The following FAM98A variants were observed in gnomAD, a reference collection of about 807,000 sequenced individuals.
FAM98A encodes protein FAM98A.
A neutral mutation model predicts 62.9 loss-of-function variants in FAM98A; 25 were observed. That is an observed-to-expected ratio of 0.40 (90% CI 0.29 to 0.56). FAM98A has a LOEUF of 0.56. FAM98A is among the 20% of genes least tolerant of loss of function. The pLI, the probability that FAM98A is intolerant of heterozygous loss-of-function variation, is 0.51. For synonymous variants in FAM98A, 252 were observed against 228.6 expected (o/e 1.10, Z -0.92); for missense variants, 653 against 640.7 (o/e 1.02, Z -0.21).
chr2:33,598,065 A>C (rs976001426), intron 1 of FAM98A, among the ~76,000 whole-genome samples: 12 of 152,238 alleles, frequency 7.9e-5, no homozygotes, highest in Admixed American at 4.6e-4. Flanking sequence ...CCAAGAAAAG[A>C]ACAATAGTAT....
rs1249064328 is a variant in FAM98A at position 33,599,280 on chromosome 2, A to C, written c.-59T>G. 3 of 1,420,340 alleles carry C rather than the reference A, an allele frequency of 2.1e-6. No homozygotes were observed. Among genetic ancestry groups the C allele is most frequent in the Non-Finnish European group, 3.0e-6 (3 of 1,003,008 alleles). The allele number at this position is 1,420,340 out of a possible 1,614,324, so 88.0% of individuals were successfully genotyped here. The stretch of plus-strand genomic sequence containing the variant: ...GCTCCCCTCTTCGCCGGCAACGCGT[A>C]CACTCGCGCATGCGCGACTTCCCCG... On this transcript the variant is annotated 5_prime_UTR_variant, in exon 1 of 8. Transcript: ENST00000238823.
At chr2:33,598,374 C>T (rs1282595923) in intron 1 of FAM98A, among the ~76,000 whole-genome samples, 3 of 152,188 alleles carry the variant, frequency 2.0e-5, no homozygotes, top group Admixed American at 1.3e-4. Flanking sequence ...AGAGGGTCCA[C>T]GTTCTCAAGT....
At chr2:33,595,719 T>C in intron 1 of FAM98A, 82 bp from the exon 2 acceptor site, 1 of 941,302 alleles carries the variant, frequency 1.1e-6, no homozygotes, top group Non-Finnish European at 1.5e-6. Context: ...ATGTCTTATT[T>C]ATATAAGCAA....
At chr2:33,597,157 C>A (rs1677831969) in intron 1 of FAM98A, among the ~76,000 whole-genome samples, 1 of 152,076 alleles carries the variant, frequency 6.6e-6, no homozygotes, top group South Asian at 2.1e-4. Flanking sequence ...GTTTATTCAA[C>A]AAGTAGTTAC....
chr2:33,592,211 G>C lies in FAM98A; in HGVS notation c.206C>G (p.Pro69Arg). The C allele has an allele frequency of 6.2e-7, 1 of 1,604,962 alleles. No homozygotes were observed. Among genetic ancestry groups the C allele is most frequent in the Non-Finnish European group, 8.5e-7 (1 of 1,174,740 alleles). Residue 69 changes from proline (P) to arginine (R), a missense_variant, in exon 3 of 8, where the codon CCG (proline) becomes CGG (arginine). Coordinates refer to ENST00000238823, the MANE Select transcript of FAM98A (RefSeq NM_015475.5). ...AAGCTGGAATTCTTCAGCTTCACTC[G>C]GACCTTTTAAGAATTAAAATAATCT... ...LEENVQATNSPSEAEEFQLEV... is the reference protein window; with the variant it reads ...LEENVQATNSRSEAEEFQLEV...
chr2:33,593,184 G>A (rs1677713981), intron 2 of FAM98A, among the ~76,000 whole-genome samples: 1 of 152,138 alleles, frequency 6.6e-6, no homozygotes, highest in African/African-American at 2.4e-5. Context: ...CGAGTGGATG[G>A]TTTGAGTTCA....
intron 2 of FAM98A, among the ~76,000 whole-genome samples, chr2:33,595,033 A>T (rs1026941775): frequency 6.6e-6 from 1 of 152,246 alleles, no homozygotes; most frequent in African/African-American, 2.4e-5. Context: ...TCTTATGATA[A>T]ACAAAATGTC....
chr2:33,594,642 T>C (rs867135081), intron 2 of FAM98A, among the ~76,000 whole-genome samples: 1 of 81,128 alleles, frequency 1.2e-5, no homozygotes, highest in East Asian at 2.6e-4. Flanking sequence ...TATATACACA[T>C]ATATATATAC....
chr2:33,593,233 G>A (rs185890997), intron 2 of FAM98A, among the ~76,000 whole-genome samples: 4 of 152,146 alleles, frequency 2.6e-5, no homozygotes, highest in South Asian at 2.1e-4. Flanking sequence ...GCAAAACCCC[G>A]TCTCTAAGAA....
At position 33,585,409 on chromosome 2, in the gene FAM98A, T is replaced by C. The variant is rs1192781251; in HGVS notation, c.924A>G (p.Arg308=). 6.2e-7 allele frequency: 1 copy of C among 1,614,038 alleles called. No homozygotes were observed. Among genetic ancestry groups the C allele is most frequent in the African/African-American group, 1.3e-5 (1 of 74,914 alleles). ...LMGRVPDRGG[R]PNEIEPPPPE... is the part of the protein sequence containing the mutation. ...GGGGTGGAGGTTCGATTTCATTGGGTCTACCACCTCTGTCAGGCACCCTGC... is the reference window on the plus strand; with the variant it reads ...GGGGTGGAGGTTCGATTTCATTGGGCCTACCACCTCTGTCAGGCACCCTGC... Residue 308 remains arginine (R), a synonymous_variant, in exon 8 of 8, where the codon AGA becomes AGG. Coordinates refer to ENST00000238823, the MANE Select transcript of FAM98A (RefSeq NM_015475.5).
In FAM98A at chr2:33,588,443, G is replaced by A. The variant is rs529095574; in HGVS notation, c.414C>T (p.Gly138=). The A allele has an allele frequency of 6.8e-6, 11 of 1,613,314 alleles. No individual in the cohort carries two copies. Among genetic ancestry groups the A allele is most frequent in the African/African-American group, 2.7e-5 (2 of 74,824 alleles). The change falls in exon 4 of 8, where the codon GGC becomes GGT. Residue 138 remains glycine, a synonymous_variant. Transcript: ENST00000238823. Reference sequence around the variant, plus strand: ...TCAACTCTTGAAAGACCTCACTACCGCCTCCTTCTTGAGCTTTTTTTGGAG... The same window carrying A: ...TCAACTCTTGAAAGACCTCACTACCACCTCCTTCTTGAGCTTTTTTTGGAG... The part of the protein sequence containing the change: ...NAPPKKAQEG[G]GSEVFQELKG...
chr2:33,586,755 T>C, intron 5 of FAM98A, 77 bp from the exon 6 acceptor site: 3 of 865,662 alleles, frequency 3.5e-6, no homozygotes, highest in Non-Finnish European at 5.8e-6. Context: ...AAACTACGTC[T>C]GTGTCATTCA....
In FAM98A at chr2:33,588,525, G is replaced by A. The variant is rs1677607058; in HGVS notation, c.338-6C>T. On this transcript the variant is annotated splice_polypyrimidine_tract_variant and splice_region_variant and intron_variant, in intron 3 of 7. Coordinates refer to ENST00000238823, the MANE Select transcript of FAM98A (RefSeq NM_015475.5). Reference sequence around the variant, plus strand: ...TAGTTCTGAGATGAGGTATGCTGAAGTAAACAAAATAAGATTTCAAAATGA... The same window carrying A: ...TAGTTCTGAGATGAGGTATGCTGAAATAAACAAAATAAGATTTCAAAATGA... 1 of 1,610,848 alleles carries A rather than the reference G, an allele frequency of 6.2e-7. No individual in the cohort carries two copies. The highest frequency in any genetic ancestry group is 8.5e-7 in the Non-Finnish European group (1 of 1,178,548).
intron 3 of FAM98A, 24 bp from the exon 4 acceptor site, chr2:33,588,543 C>A: frequency 6.3e-7 from 1 of 1,596,056 alleles, no homozygotes; most frequent in South Asian, 1.1e-5. Flanking sequence ...AATAAGATTT[C>A]AAAATGAGAT....
chr2:33,597,122 T>C (rs1677831520), intron 1 of FAM98A, among the ~76,000 whole-genome samples: 1 of 152,130 alleles, frequency 6.6e-6, no homozygotes, highest in South Asian at 2.1e-4. Context: ...AGTTTCTCCT[T>C]GAGTTTCACA....
intron 2 of FAM98A, among the ~76,000 whole-genome samples, chr2:33,595,004 G>T (rs1490445865): frequency 6.6e-6 from 1 of 152,172 alleles, no homozygotes; most frequent in Non-Finnish European, 1.5e-5. Flanking sequence ...ATCTCACTGT[G>T]ATGTATCTAA....
intron 1 of FAM98A, 148 bp downstream of exon 1, chr2:33,599,021 A>G (rs1677891313): frequency 8.2e-6 from 6 of 735,158 alleles, no homozygotes; most frequent in Non-Finnish European, 1.5e-5. Context: ...TGGACGTGGC[A>G]TTGGGGGTGC....
chr2:33,598,135 G>C (rs917626105), intron 1 of FAM98A, among the ~76,000 whole-genome samples: 1 of 152,190 alleles, frequency 6.6e-6, no homozygotes, highest in Admixed American at 6.5e-5. Context: ...ATTTCTACTA[G>C]GGTAGTAAAT....
intron 1 of FAM98A, among the ~76,000 whole-genome samples, chr2:33,596,891 CA>C (rs55741538): frequency 3.6e-4 from 37 of 103,424 alleles, no homozygotes; most frequent in African/African-American, 5.8e-4. Context: ...GACTCCGTAT[CA>C]AAAAAAAAAA....
Sources: gnomAD v4.1 joint callset for allele counts (sites outside exome capture counted in the v4.1 genomes callset) on GRCh38, gnomAD v4.1.1 for gene constraint, MANE v1.5 for transcripts, NCBI Gene and HGNC (gene_info 2026-07-23, HGNC 2026-07-21) for gene names.